STK33: variants seen among roughly 807,000 people sequenced by gnomAD.
The protein encoded by STK33 is serine/threonine kinase 33.
STK33 carries 52 observed loss-of-function variants against 58.0 expected under a neutral mutation model. That is an observed-to-expected ratio of 0.90 (90% CI 0.72 to 1.13). The LOEUF (loss-of-function observed/expected upper bound fraction) is 1.13. Among genes scored for constraint, STK33 ranks in the 50% most tolerant of loss-of-function variants. The pLI is 0.00. For synonymous variants in STK33, 215 were observed against 200.1 expected, an observed-to-expected ratio of 1.07 and a Z score of -0.63; for missense variants, 630 against 604.2, an observed-to-expected ratio of 1.04 and a Z score of -0.45.
intron 11 of STK33, among the ~76,000 whole-genome samples, chr11:8,449,556 C>G (rs1431628040): frequency 6.7e-6 from 1 of 149,052 alleles, no homozygotes; most frequent in African/African-American, 2.5e-5. Context: ...ACCGCATGTT[C>G]TCACTCATAG....
At chr11:8,441,636 C>T (rs1020430383) in intron 11 of STK33, among the ~76,000 whole-genome samples, 7 of 152,018 alleles carry the variant, frequency 4.6e-5, no homozygotes, top group African/African-American at 1.7e-4. Flanking sequence ...GGATTAGTGG[C>T]GTGAGACACC....
intron 1 of STK33, among the ~76,000 whole-genome samples, chr11:8,491,163 T>G (rs987800489): frequency 1.3e-5 from 2 of 152,162 alleles, no homozygotes; most frequent in Non-Finnish European, 2.9e-5. Context: ...ATGAGGATGT[T>G]TGAACCTATC....
At chr11:8,455,723 AT>A (rs1246151913) in intron 9 of STK33, among the ~76,000 whole-genome samples, 1 of 143,434 alleles carries the variant, frequency 7.0e-6, no homozygotes, top group African/African-American at 2.6e-5. Context: ...CGGCAGGAGA[AT>A]GGCGTGAGGC....
chr11:8,474,617 C>G, intron 5 of STK33, 64 bp downstream of exon 5: 2 of 1,188,990 alleles, frequency 1.7e-6, no homozygotes, highest in Non-Finnish European at 2.4e-6. Context: ...ATGGATGAAG[C>G]TAGGAGTACC....
chr11:8,553,167 A>AATAT (rs56363010), intron 1 of STK33, among the ~76,000 whole-genome samples: 694 of 68,024 alleles, frequency 0.01, 6 homozygotes, highest in Non-Finnish European at 0.014. Context: ...CCAAAAATAA[A>AATAT]ATATATATAT....
At chr11:8,494,788 C>T (rs1256420184) in intron 1 of STK33, among the ~76,000 whole-genome samples, 2 of 152,152 alleles carry the variant, frequency 1.3e-5, no homozygotes, top group African/African-American at 2.4e-5. Flanking sequence ...AGAAATAACA[C>T]CACACATCTA....
intron 1 of STK33, among the ~76,000 whole-genome samples, chr11:8,549,107 T>G (rs1431030602): frequency 6.6e-6 from 1 of 152,180 alleles, no homozygotes; most frequent in Non-Finnish European, 1.5e-5. Flanking sequence ...TAGCTGTGGT[T>G]TGGTCATATA....
intron 8 of STK33, among the ~76,000 whole-genome samples, chr11:8,458,344 T>A (rs1947123842): frequency 6.6e-6 from 1 of 152,024 alleles, no homozygotes; most frequent in Non-Finnish European, 1.5e-5. Flanking sequence ...TTTATAGAAT[T>A]TTTACATGAC....
At chr11:8,404,687 T>C (rs1590790962) in intron 15 of STK33, among the ~76,000 whole-genome samples, 1 of 152,246 alleles carries the variant, frequency 6.6e-6, no homozygotes, top group African/African-American at 2.4e-5. Context: ...CTCCATTGTA[T>C]GGATGTACCA....
the STK33 span, among the ~76,000 whole-genome samples, chr11:8,381,721 C>T: frequency 3.3e-5 from 5 of 152,270 alleles, no homozygotes; most frequent in South Asian, 2.1e-4. Flanking sequence ...ACACCTCCAA[C>T]GATGCCTGTC....
At chr11:8,469,514 G>A (rs1017000067) in intron 6 of STK33, among the ~76,000 whole-genome samples, 1 of 152,106 alleles carries the variant, frequency 6.6e-6, no homozygotes, top group African/African-American at 2.4e-5. Flanking sequence ...TCTTCCATGA[G>A]GGTGGGAATC....
chr11:8,585,476 C>T (rs1181981721), intron 1 of STK33, among the ~76,000 whole-genome samples: 3 of 150,720 alleles, frequency 2.0e-5, no homozygotes, highest in East Asian at 4.0e-4. Flanking sequence ...CCACCCGCCT[C>T]AGCCTCCCAA....
chr11:8,351,142 A>AAC, the STK33 span, among the ~76,000 whole-genome samples: 2 of 151,986 alleles, frequency 1.3e-5, no homozygotes, highest in African/African-American at 4.8e-5. Context: ...CATAACCTCC[A>AAC]ACAAAACACC....
At chr11:8,525,447 T>C (rs553838146) in intron 1 of STK33, among the ~76,000 whole-genome samples, 1 of 152,316 alleles carries the variant, frequency 6.6e-6, no homozygotes, top group South Asian at 2.1e-4. Context: ...AACAGACTCA[T>C]GTATATAGTC....
intron 15 of STK33, among the ~76,000 whole-genome samples, chr11:8,394,260 G>A (rs1194395718): frequency 6.6e-6 from 1 of 152,180 alleles, no homozygotes; most frequent in Non-Finnish European, 1.5e-5. Context: ...ATCTGGCTGA[G>A]AACAAGTTGC....
chr11:8,503,174 T>C (rs756272658), intron 1 of STK33, among the ~76,000 whole-genome samples: 3 of 152,184 alleles, frequency 2.0e-5, no homozygotes, highest in Non-Finnish European at 4.4e-5. Flanking sequence ...CATATGTTCA[T>C]TGCACCAACA....
chr11:8,563,231 T>C (rs933404018), intron 1 of STK33, among the ~76,000 whole-genome samples: 4 of 152,148 alleles, frequency 2.6e-5, no homozygotes, highest in Non-Finnish European at 4.4e-5. Flanking sequence ...GGAGTGTTCC[T>C]TGGGATTCAA....
At chr11:8,568,338 G>A (rs1043524252) in intron 1 of STK33, among the ~76,000 whole-genome samples, 1 of 152,076 alleles carries the variant, frequency 6.6e-6, no homozygotes, top group Non-Finnish European at 1.5e-5. Flanking sequence ...ACATTTACAT[G>A]TATTTACTAC....
intron 10 of STK33, among the ~76,000 whole-genome samples, chr11:8,453,189 G>A (rs576223608): frequency 7.9e-5 from 12 of 152,244 alleles, no homozygotes; most frequent in African/African-American, 2.9e-4. Context: ...AACATGAGAA[G>A]TTGTATTTTG....
Sources: gnomAD v4.1 joint callset for allele counts (sites outside exome capture counted in the v4.1 genomes callset) on GRCh38, gnomAD v4.1.1 for gene constraint, MANE v1.5 for transcripts, NCBI Gene and HGNC (gene_info 2026-07-23, HGNC 2026-07-21) for gene names.